The following SUPT20H variants were observed in gnomAD, a reference collection of about 807,000 sequenced individuals.
The protein encoded by SUPT20H is SPT20 homolog, SAGA complex component, also known as transcription factor SPT20 homolog.
In SUPT20H, 82 loss-of-function variants were observed where a neutral mutation model predicts 122.8. That is an observed-to-expected ratio of 0.67 (90% CI 0.56 to 0.80). The LOEUF (loss-of-function observed/expected upper bound fraction) is 0.80, where lower values mean the gene tolerates loss of function less well. Among genes scored for constraint, SUPT20H ranks in the 30% least tolerant of loss-of-function variants. The probability of loss-of-function intolerance (pLI) is 0.00; values close to 1 mark genes in which losing one functional copy is unlikely to be tolerated. For synonymous variants in SUPT20H, 291 were observed against 313.0 expected (o/e 0.93, Z 0.74); for missense variants, 831 against 921.6 (o/e 0.90, Z 1.27).
Position 37,047,932 on chromosome 13 carries a change from A to G in SUPT20H, c.44T>C (p.Val15Ala). Residue 15 changes from valine (V) to alanine (A), a missense_variant, in exon 4 of 26, where the codon GTC becomes GCC. Coordinates refer to ENST00000350612, the MANE Select transcript of SUPT20H (RefSeq NM_001014286.3). ...LELALDRAEY[V>A]IESARQRPPK... ...AGGTCTCTGTCGGGCACTTTCAATGACATACTAAAAAACAAAAGTTTATGA... is the reference window on the plus strand; with the variant it reads ...AGGTCTCTGTCGGGCACTTTCAATGGCATACTAAAAAACAAAAGTTTATGA... 1 of 1,602,520 alleles carries G rather than the reference A, an allele frequency of 6.2e-7. No homozygotes were observed. Among genetic ancestry groups the G allele is most frequent in the Non-Finnish European group, 8.5e-7 (1 of 1,174,434 alleles).
intron 9 of SUPT20H, among the ~76,000 whole-genome samples, chr13:37,033,886 T>C (rs1284786658): frequency 6.6e-6 from 1 of 152,224 alleles, no homozygotes; most frequent in Admixed American, 6.5e-5. Flanking sequence ...ATCAGCATCA[T>C]TTTCCCAACA....
intron 9 of SUPT20H, among the ~76,000 whole-genome samples, chr13:37,037,312 CT>C (rs1279206662): frequency 7.2e-5 from 11 of 152,228 alleles, no homozygotes; most frequent in African/African-American, 2.4e-4. Flanking sequence ...GCCACTGCCC[CT>C]AACCTCTGTG....
At chr13:37,023,879 C>A (rs2061769615) in intron 19 of SUPT20H, 156 bp downstream of exon 19, 2 of 642,922 alleles carry the variant, frequency 3.1e-6, no homozygotes, top group Non-Finnish European at 2.5e-6. Context: ...TACATACAAT[C>A]AACAAGAGCT....
chr13:37,042,507 G>A (rs187832842), intron 7 of SUPT20H, among the ~76,000 whole-genome samples: 16 of 152,282 alleles, frequency 1.1e-4, no homozygotes, highest in Admixed American at 9.8e-4. Context: ...TAGTAAAAAA[G>A]ACCGAAGGAT....
intron 23 of SUPT20H, among the ~76,000 whole-genome samples, 193 bp downstream of exon 23, chr13:37,017,052 G>A (rs1298304061): frequency 6.6e-6 from 1 of 152,140 alleles, no homozygotes. Flanking sequence ...GCAAGATGCA[G>A]GTGATACCAT....
intron 9 of SUPT20H, among the ~76,000 whole-genome samples, chr13:37,037,366 A>G (rs1193195958): frequency 6.6e-6 from 1 of 152,186 alleles, no homozygotes. Context: ...ACCTTTTTAT[A>G]GACTAGGAAA....
intron 1 of SUPT20H, 46 bp downstream of exon 1, chr13:37,059,513 C>A (rs1373286379): frequency 6.6e-6 from 1 of 152,454 alleles, no homozygotes; most frequent in Non-Finnish European, 1.5e-5. Flanking sequence ...GCGTCTAAGC[C>A]ACCGCGTTGC....
At chr13:37,045,988 A>C (rs1048055146) in intron 5 of SUPT20H, among the ~76,000 whole-genome samples, 1 of 152,162 alleles carries the variant, frequency 6.6e-6, no homozygotes, top group African/African-American at 2.4e-5. Context: ...AAAAATGCTT[A>C]TAATTTAAAA....
At chr13:37,035,768 G>C (rs1375757328) in intron 9 of SUPT20H, among the ~76,000 whole-genome samples, 3 of 152,142 alleles carry the variant, frequency 2.0e-5, no homozygotes, top group African/African-American at 7.2e-5. Context: ...CTGACCTTGT[G>C]ATCCGCCTGC....
intron 7 of SUPT20H, among the ~76,000 whole-genome samples, chr13:37,042,856 T>C (rs949403103): frequency 2.6e-5 from 4 of 152,162 alleles, no homozygotes; most frequent in Non-Finnish European, 4.4e-5. Flanking sequence ...TTTTTAAAAT[T>C]TGAGACATAC....
chr13:37,029,747 C>A lies in SUPT20H; in HGVS notation c.993+18G>T. 1 of 1,588,768 alleles carries A rather than the reference C, an allele frequency of 6.3e-7. No individual in the cohort carries two copies. Among genetic ancestry groups the A allele is most frequent in the Non-Finnish European group, 8.6e-7 (1 of 1,168,106 alleles). On this transcript the variant is annotated intron_variant, in intron 13 of 25. Coordinates refer to ENST00000350612, the MANE Select transcript of SUPT20H (RefSeq NM_001014286.3). ...GAAATGGCATAATTAGAAACAGAGA[C>A]AGGCAATGATTTCTTACATGGGCTG...
chr13:37,048,700 T>C (rs2066995681), intron 2 of SUPT20H, 101 bp from the exon 3 acceptor site: 2 of 974,558 alleles, frequency 2.1e-6, no homozygotes, highest in Non-Finnish European at 3.0e-6. Flanking sequence ...AGGTCTAATA[T>C]ATTTTCCTTT....
At position 37,033,429 on chromosome 13, in the gene SUPT20H, C is replaced by G; in HGVS notation, c.707+20G>C. On this transcript the variant is annotated intron_variant, in intron 10 of 25. Transcript: ENST00000350612. ...TAGCTACTTGTGTCTTTTGGTTCAC[C>G]CTTCCACAAAGGCAATTACCGTTTC... is the stretch of plus-strand genomic sequence containing the variant. The G allele has an allele frequency of 6.2e-7, 1 of 1,605,386 alleles. No individual in the cohort carries two copies. Among genetic ancestry groups the G allele is most frequent in the Admixed American group, 1.7e-5 (1 of 58,930 alleles).
At position 37,019,417 on chromosome 13, in the gene SUPT20H, G is replaced by T. The variant is rs1364920091; in HGVS notation, c.1817-20C>A. The T allele has an allele frequency of 3.2e-6, 5 of 1,556,922 alleles. No homozygotes were observed. Among genetic ancestry groups the T allele is most frequent in the African/African-American group, 2.8e-5 (2 of 72,324 alleles). Reference sequence around the variant, plus strand: ...GAACACCTGTTAAATAAAACTCATGGTTATAACAGAATTGAAAGTTTATTA... The same window carrying T: ...GAACACCTGTTAAATAAAACTCATGTTTATAACAGAATTGAAAGTTTATTA... On this transcript the variant is annotated intron_variant, in intron 21 of 25. Coordinates refer to ENST00000350612, the MANE Select transcript of SUPT20H (RefSeq NM_001014286.3).
At chr13:37,010,428 AATT>A (rs2059395086) in intron 25 of SUPT20H, 121 bp downstream of exon 25, 5 of 821,036 alleles carry the variant, frequency 6.1e-6, no homozygotes, top group Non-Finnish European at 7.6e-6. Context: ...AAATTTGCTA[AATT>A]ATTTACCAAT....
rs1300967931 is a variant in SUPT20H, at chr13:37,045,357, A to G, written c.182T>C (p.Val61Ala). The G allele has an allele frequency of 6.2e-7, 1 of 1,613,462 alleles. No homozygotes were observed. Among genetic ancestry groups the G allele is most frequent in the South Asian group, 1.1e-5 (1 of 91,038 alleles). Residue 61 changes from valine to alanine, a missense_variant, in exon 6 of 26, where the codon GTG (valine) becomes GCG (alanine). Val to Ala is a moderately conservative substitution (Grantham distance 64). Transcript: ENST00000350612. The stretch of plus-strand genomic sequence containing the variant: ...CATAACAAGCTTCTCTAACAAGTTC[A>G]CATTTCTTCTTAATTTCTGCTTTAA... ...EPEVKKLRRN[V>A]NLLEKLVMQE...
chr13:37,044,534 C>T (rs962504635), intron 6 of SUPT20H, among the ~76,000 whole-genome samples: 1 of 152,056 alleles, frequency 6.6e-6, no homozygotes, highest in African/African-American at 2.4e-5. Flanking sequence ...CAATTTGGTG[C>T]CTTATCTGAA....
At chr13:37,021,299 TTTTAA>T in intron 21 of SUPT20H, 144 bp downstream of exon 21, 1 of 888,802 alleles carries the variant, frequency 1.1e-6, no homozygotes, top group Non-Finnish European at 1.5e-6. Context: ...ATGCCAGAAC[TTTTAA>T]AGGCTTTTTA....
chr13:37,022,074 G>A lies in SUPT20H; in HGVS notation c.1598C>T (p.Thr533Met). ...LSPASSSQRT[T>M]ATQVMANSAG... Reference sequence around the variant, plus strand: ...AGAGTTTGCCATGACCTGGGTGGCCGTGGTTCCTGGAGTTATAGATGTTAC... The same window carrying A: ...AGAGTTTGCCATGACCTGGGTGGCCATGGTTCCTGGAGTTATAGATGTTAC... The change falls in exon 20 of 26, where the codon ACG becomes ATG. Residue 533 changes from threonine to methionine, a missense_variant. By Grantham distance (81) the Thr-to-Met change is moderately conservative. Coordinates refer to ENST00000350612, the MANE Select transcript of SUPT20H (RefSeq NM_001014286.3). This position sits in a 1 kb window ranked among gnomAD's most constrained non-coding sequence, Gnocchi z 4.5. The A allele has an allele frequency of 5.0e-6, 8 of 1,613,882 alleles. No individual in the cohort carries two copies. Among genetic ancestry groups the A allele is most frequent in the Non-Finnish European group, 6.8e-6 (8 of 1,179,862 alleles).
Sources: allele counts gnomAD v4.1 joint callset (sites outside exome capture counted in the v4.1 genomes callset), GRCh38; gene constraint gnomAD v4.1.1; non-coding constraint Gnocchi (gnomAD v3.1); transcripts MANE v1.5; gene names NCBI Gene and HGNC (gene_info 2026-07-23, HGNC 2026-07-21).